The following SCN9A variants were observed in gnomAD, a reference collection of about 807,000 sequenced individuals.
The protein encoded by SCN9A is sodium voltage-gated channel alpha subunit 9.
A neutral mutation model predicts 187.0 loss-of-function variants in SCN9A; 131 were observed. That is an observed-to-expected ratio of 0.70 (90% CI 0.61 to 0.81). The LOEUF is 0.81. Among genes scored for constraint, SCN9A ranks in the 30% least tolerant of loss-of-function variants. The pLI, the probability that SCN9A is intolerant of heterozygous loss-of-function variation, is 0.00. For missense variants in SCN9A, 2,252 were observed against 2,396.6 expected, an observed-to-expected ratio of 0.94 and a Z score of 1.26; for synonymous variants, 809 against 808.6, an observed-to-expected ratio of 1.00 and a Z score of -0.01.
intron 1 of SCN9A, among the ~76,000 whole-genome samples, chr2:166,372,619 C>A (rs1700592434): frequency 6.6e-6 from 1 of 152,066 alleles, no homozygotes; most frequent in African/African-American, 2.4e-5. Flanking sequence ...TACATTATCA[C>A]CTACACTGAT....
intron 26 of SCN9A, among the ~76,000 whole-genome samples, chr2:166,202,540 C>G (rs16851772): frequency 0.033 from 4,961 of 151,750 alleles, 268 homozygotes; most frequent in African/African-American, 0.11. Flanking sequence ...ATTACCCACA[C>G]TACATAAAAA....
rs202211795 is a variant in SCN9A at position 166,286,371 on chromosome 2, G to C, written c.1567C>G (p.Arg523Gly). The part of the protein sequence containing the change: ...SFHLGVEGHR[R>G]AHEKRLSTPN... ...GTAGACAACCTCTTTTCATGTGCTCGCCTATGCCCTTCGACACCAAGGTGG... is the reference window on the plus strand; with the variant it reads ...GTAGACAACCTCTTTTCATGTGCTCCCCTATGCCCTTCGACACCAAGGTGG... The change falls in exon 11 of 27, where the codon CGA becomes GGA. Residue 523 changes from arginine (R) to glycine (G), a missense_variant. Physicochemically the swap from Arg to Gly is moderately radical, Grantham distance 125. This residue lies in a region of SCN9A where 1,013 missense variants were observed against 997.4 expected (regional missense o/e 1.02). Transcript: ENST00000642356. 11 of 1,613,156 alleles carry C rather than the reference G, an allele frequency of 6.8e-6. No homozygotes were observed. The South Asian group carries it at 1.2e-4, about 18-fold the overall frequency.
chr2:166,201,824 T>C (rs10210055), intron 26 of SCN9A, among the ~76,000 whole-genome samples: 122,151 of 151,188 alleles, frequency 0.81, 49,828 homozygotes, highest in Non-Finnish European at 0.86. Context: ...TTCAACAGTA[T>C]TGAGTGCTAC....
chr2:166,252,068 G>A (rs144952717), intron 17 of SCN9A, among the ~76,000 whole-genome samples, 183 bp from the exon 18 acceptor site: 66 of 151,582 alleles, frequency 4.4e-4, no homozygotes, highest in Non-Finnish European at 5.6e-4. Context: ...ATCTATACTT[G>A]ATCTTTCTAT....
chr2:166,204,341 GAT>G lies in SCN9A; in HGVS notation c.4503+17_4503+18del, dbSNP rs766750230. ...ATAATTTGAAAATCTATATGCTAAAGATATATATATTTTTTTACCCCTGGTCG... is the reference window on the plus strand; with the variant it reads ...ATAATTTGAAAATCTATATGCTAAAGATATATATTTTTTTACCCCTGGTCG... On this transcript the variant is annotated intron_variant, in intron 25 of 26. Coordinates refer to ENST00000642356, the MANE Select transcript of SCN9A (RefSeq NM_001365536.1). 1.3e-6 allele frequency: 2 copies of G among 1,576,810 alleles called. No homozygotes were observed. The highest frequency in any genetic ancestry group is 2.2e-5 in the East Asian group (1 of 44,534).
Position 166,303,216 on chromosome 2 carries a change from A to G in SCN9A, c.775T>C (p.Phe259Leu), listed in dbSNP as rs2106522359. 2.5e-6 allele frequency: 4 copies of G among 1,613,710 alleles called. No individual in the cohort carries two copies. The highest frequency in any genetic ancestry group is 1.3e-5 in the African/African-American group (1 of 75,016). ...MILTVFCLSVFALIGLQLFMG... is the reference protein window; with the variant it reads ...MILTVFCLSVLALIGLQLFMG... The stretch of plus-strand genomic sequence containing the variant: ...AACAGCTGTAGTCCAATTAGTGCAA[A>G]CACACTCAGACAGAACACAGTCAGG... The change falls in exon 7 of 27, where the codon TTT becomes CTT. Residue 259 changes from phenylalanine (F) to leucine (L), a missense_variant. Phe to Leu is a conservative substitution (Grantham distance 22). This residue lies in a region of SCN9A where 1,013 missense variants were observed against 997.4 expected (regional missense o/e 1.02). Coordinates refer to ENST00000642356, the MANE Select transcript of SCN9A (RefSeq NM_001365536.1).
chr2:166,325,764 T>C (rs2105254401), intron 1 of SCN9A, among the ~76,000 whole-genome samples: 1 of 152,272 alleles, frequency 6.6e-6, no homozygotes, highest in East Asian at 1.9e-4. Context: ...GAAATGTATT[T>C]GACTCTGAGA....
chr2:166,336,794 C>T (rs1479263151), intron 1 of SCN9A, among the ~76,000 whole-genome samples: 1 of 152,050 alleles, frequency 6.6e-6, no homozygotes, highest in East Asian at 1.9e-4. Context: ...TGATTAAGCT[C>T]TAAGCTTTGG....
At chr2:166,297,915 C>A (rs1698387537) in intron 7 of SCN9A, among the ~76,000 whole-genome samples, 1 of 151,702 alleles carries the variant, frequency 6.6e-6, no homozygotes, top group Non-Finnish European at 1.5e-5. Context: ...GATATTAAAT[C>A]TAATGAAGAT....
intron 24 of SCN9A, among the ~76,000 whole-genome samples, chr2:166,207,040 G>A (rs536392241): frequency 1.2e-4 from 18 of 152,082 alleles, no homozygotes; most frequent in Non-Finnish European, 2.2e-4. Context: ...TCTTACAAAG[G>A]GGGGCTAGAA....
Position 166,293,510 on chromosome 2 carries a change from T to G in SCN9A, c.966-138A>C, listed in dbSNP as rs575797561. The G allele has an allele frequency of 1.6e-5, 11 of 697,680 alleles. No individual in the cohort carries two copies. In the African/African-American group the frequency reaches 2.0e-4, roughly 13 times the overall value. The allele number at this position is 697,680 out of a possible 1,614,324, so 43.2% of individuals were successfully genotyped here. On this transcript the variant is annotated intron_variant, in intron 8 of 26. Transcript: ENST00000642356. ...AAGGATTAAGAATACATGATTTGGC[T>G]ACTGACTACTTAGTGACTTTACCAA... is the stretch of plus-strand genomic sequence containing the variant.
intron 20 of SCN9A, among the ~76,000 whole-genome samples, chr2:166,236,634 G>T (rs945567862): frequency 6.6e-6 from 1 of 152,010 alleles, no homozygotes; most frequent in African/African-American, 2.4e-5. Flanking sequence ...TGTTGGCCAG[G>T]CTGGTCTCAA....
chr2:166,202,403 A>G (rs1181966048), intron 26 of SCN9A, among the ~76,000 whole-genome samples: 1 of 136,030 alleles, frequency 7.4e-6, no homozygotes, highest in African/African-American at 2.7e-5. Flanking sequence ...CTGAGCTTTT[A>G]TATTTGAACA....
chr2:166,290,909 T>C (rs1022642539), intron 9 of SCN9A, among the ~76,000 whole-genome samples: 1 of 152,286 alleles, frequency 6.6e-6, no homozygotes, highest in Admixed American at 6.5e-5. Flanking sequence ...ATCAATAAAC[T>C]AGGTATTGAT....
intron 1 of SCN9A, among the ~76,000 whole-genome samples, chr2:166,375,355 A>G (rs1029676991): frequency 6.6e-6 from 1 of 152,072 alleles, no homozygotes; most frequent in African/African-American, 2.4e-5. Context: ...CCATCTAACA[A>G]CTCTGCTAGC....
chr2:166,346,143 C>G (rs1267596715), intron 1 of SCN9A, among the ~76,000 whole-genome samples: 1 of 152,104 alleles, frequency 6.6e-6, no homozygotes, highest in East Asian at 1.9e-4. Context: ...AAAGAGTAAA[C>G]AAGCAAGAAA....
intron 24 of SCN9A, chr2:166,205,198 A>G (rs1298370175): frequency 6.6e-6 from 1 of 152,188 alleles, no homozygotes; most frequent in Admixed American, 6.5e-5. Flanking sequence ...GAGCCTGCAT[A>G]GCCAAGATAA....
intron 10 of SCN9A, among the ~76,000 whole-genome samples, chr2:166,288,147 A>G (rs550225403): frequency 7.7e-5 from 11 of 142,592 alleles, no homozygotes; most frequent in African/African-American, 3.0e-4. Context: ...GTATATGTGT[A>G]TGTATATATA....
chr2:166,311,516 A>C lies in SCN9A; in HGVS notation c.241T>G (p.Tyr81Asp), dbSNP rs911117094. The C allele has an allele frequency of 6.2e-7, 1 of 1,607,766 alleles. No individual in the cohort carries two copies. The highest frequency in any genetic ancestry group is 1.3e-5 in the African/African-American group (1 of 74,460). Residue 81 changes from tyrosine (Y) to aspartate (D), a missense_variant, in exon 2 of 27, where the codon TAC (tyrosine) becomes GAC (aspartate). By Grantham distance (160) the Tyr-to-Asp change is radical. Transcript: ENST00000642356. ...AAACTCACCTTTTTGTCTGCATAGTAGGGGTCCAAGTCCTCCAGGGGCTCT... is the reference window on the plus strand; with the variant it reads ...AAACTCACCTTTTTGTCTGCATAGTCGGGGTCCAAGTCCTCCAGGGGCTCT... Reference protein sequence around the residue: ...VSEPLEDLDPYYADKKTFIVL... With the variant: ...VSEPLEDLDPDYADKKTFIVL...
Sources: allele counts gnomAD v4.1 joint callset (sites outside exome capture counted in the v4.1 genomes callset), GRCh38; gene constraint gnomAD v4.1.1; regional missense constraint gnomAD v4.1.1; transcripts MANE v1.5; gene names NCBI Gene and HGNC (gene_info 2026-07-23, HGNC 2026-07-21).